LHPP: variants seen among roughly 807,000 people sequenced by gnomAD.
The protein encoded by LHPP is hLHPP.
LHPP carries 24 observed loss-of-function variants against 30.3 expected under a neutral mutation model. The observed-to-expected ratio is 0.79, with a 90% CI of 0.57 to 1.11. The LOEUF (loss-of-function observed/expected upper bound fraction) is 1.11. Ranked by LOEUF, LHPP falls within the 50% of genes most tolerant of loss-of-function variation. The pLI is 0.00. For missense variants in LHPP, 356 were observed against 367.2 expected (o/e 0.97, Z 0.25); for synonymous variants, 150 against 157.1 (o/e 0.95, Z 0.34).
intron 6 of LHPP, among the ~76,000 whole-genome samples, chr10:124,540,668 G>A (rs2133944129): frequency 6.6e-6 from 1 of 152,346 alleles, no homozygotes; most frequent in South Asian, 2.1e-4. Flanking sequence ...GGGGTTCACG[G>A]TGCTCCATGG....
chr10:124,565,459 G>A (rs1589869464), intron 6 of LHPP, among the ~76,000 whole-genome samples: 1 of 152,092 alleles, frequency 6.6e-6, no homozygotes, highest in Non-Finnish European at 1.5e-5. Context: ...GTTTAGTTTG[G>A]GGAGAGGAGG....
rs751850169 is a variant in LHPP, at chr10:124,496,943, C to T, written c.468-18C>T. ...TCCCCGTGCTCAGCATCCCGTGCTC[C>T]GTTCTGCTCTCTCCTAGGCGTTACT... On this transcript the variant is annotated intron_variant, in intron 3 of 6. Coordinates refer to ENST00000368842, the MANE Select transcript of LHPP (RefSeq NM_022126.4). This position sits in a 1 kb window ranked among gnomAD's most constrained non-coding sequence, Gnocchi z 4.3. 2.9e-5 allele frequency: 46 copies of T among 1,610,562 alleles called. No individual in the cohort carries two copies. Among genetic ancestry groups the T allele is most frequent in the African/African-American group, 4.0e-5 (3 of 74,756 alleles).
At chr10:124,481,339 A>G (rs866504461) in intron 1 of LHPP, among the ~76,000 whole-genome samples, 7 of 144,588 alleles carry the variant, frequency 4.8e-5, no homozygotes, top group Middle Eastern at 3.6e-3. Flanking sequence ...GCCCTCTCTC[A>G]CTGGTGGGGA....
At chr10:124,515,795 G>A (rs1011693749) in intron 5 of LHPP, among the ~76,000 whole-genome samples, 2 of 152,222 alleles carry the variant, frequency 1.3e-5, no homozygotes, top group African/African-American at 2.4e-5. Context: ...AGCCTGGCTG[G>A]TGGGGACATA....
intron 6 of LHPP, among the ~76,000 whole-genome samples, chr10:124,601,151 G>A: frequency 6.6e-6 from 1 of 152,176 alleles, no homozygotes; most frequent in Admixed American, 6.5e-5. Context: ...ACCCCCAGGG[G>A]TAGGGGGAAG....
intron 6 of LHPP, among the ~76,000 whole-genome samples, chr10:124,612,110 G>T (rs1949209746): frequency 6.6e-6 from 1 of 152,104 alleles, no homozygotes; most frequent in East Asian, 1.9e-4. Flanking sequence ...TGACTGTCAA[G>T]ACTGGGATGG....
At chr10:124,521,147 G>C (rs1331059078) in intron 6 of LHPP, among the ~76,000 whole-genome samples, 1 of 152,152 alleles carries the variant, frequency 6.6e-6, no homozygotes, top group Non-Finnish European at 1.5e-5. Context: ...GTGGCTGATG[G>C]GGCCTCGCTC....
chr10:124,610,888 AGCGGGT>A (rs1564853154), intron 6 of LHPP, among the ~76,000 whole-genome samples: 13 of 48,916 alleles, frequency 2.7e-4, no homozygotes, highest in African/African-American at 1.1e-3. Context: ...GTGCTGATGG[AGCGGGT>A]GAGGGTGAGG....
rs1955193629 is a variant in LHPP, at chr10:124,541,648, ACTCGAGGGGGCACTGAGGCC to A, written c.716+24380_716+24399del. Among the ~76,000 whole-genome samples, 1 of 151,830 alleles carries A rather than the reference ACTCGAGGGGGCACTGAGGCC, an allele frequency of 6.6e-6. No individual in the cohort carries two copies. Among genetic ancestry groups the A allele is most frequent in the Non-Finnish European group, 1.5e-5 (1 of 67,922 alleles). On this transcript the variant is annotated intron_variant, in intron 6 of 6. Transcript: ENST00000368842. The surrounding 1 kb of genome is among the most constrained non-coding windows in gnomAD (Gnocchi z 4.2). ...GTGTGTCTAGGCAAATGCCTTGGGC[ACTCGAGGGGGCACTGAGGCC>A]CTGGAGGGCTTCTGTGGGTGGGAGT...
intron 6 of LHPP, among the ~76,000 whole-genome samples, chr10:124,550,074 A>G (rs1369541142): frequency 6.6e-6 from 1 of 152,230 alleles, no homozygotes; most frequent in Non-Finnish European, 1.5e-5. Context: ...CCCAGGGGTT[A>G]GAGAACTAAG....
At chr10:124,474,132 CTTTTT>C (rs544464876) in intron 1 of LHPP, among the ~76,000 whole-genome samples, 29 of 71,904 alleles carry the variant, frequency 4.0e-4, no homozygotes, top group Admixed American at 1.9e-3. Context: ...TTGCTTTGCC[CTTTTT>C]TTTTTTTTTT....
rs1355291157 is a variant in LHPP at position 124,484,307 on chromosome 10, A to G, written c.294A>G (p.Pro98=). The G allele has an allele frequency of 2.5e-6, 4 of 1,613,116 alleles. No individual in the cohort carries two copies. Among genetic ancestry groups the G allele is most frequent in the African/African-American group, 2.7e-5 (2 of 74,910 alleles). The change falls in exon 2 of 7, where the codon CCA becomes CCG. Residue 98 remains proline (P), a synonymous_variant. Coordinates refer to ENST00000368842, the MANE Select transcript of LHPP (RefSeq NM_022126.4). Reference sequence around the variant, plus strand: ...TCCTGAAGGAGCAAGGCCTGCGACCATACCTGCTCATCCATGACGGTAGGC... The same window carrying G: ...TCCTGAAGGAGCAAGGCCTGCGACCGTACCTGCTCATCCATGACGGTAGGC... ...CQILKEQGLR[P]YLLIHDGVRS... is the part of the protein sequence containing the mutation.
chr10:124,515,740 C>T (rs1177862395), intron 5 of LHPP, among the ~76,000 whole-genome samples: 1 of 152,242 alleles, frequency 6.6e-6, no homozygotes, highest in Non-Finnish European at 1.5e-5. Context: ...CCAGCGGCTT[C>T]TGAGATCGCA....
At chr10:124,547,787 T>G (rs1375057846) in intron 6 of LHPP, among the ~76,000 whole-genome samples, 1 of 152,386 alleles carries the variant, frequency 6.6e-6, no homozygotes. Flanking sequence ...GTTCCAGTGA[T>G]ACAGCACTTC....
intron 6 of LHPP, among the ~76,000 whole-genome samples, chr10:124,606,356 G>A (rs747286419): frequency 4.6e-5 from 7 of 152,042 alleles, no homozygotes; most frequent in East Asian, 1.9e-4. Context: ...TCCCTGCCCC[G>A]CTCAGTCCTG....
intron 6 of LHPP, among the ~76,000 whole-genome samples, chr10:124,540,426 A>G (rs1313900613): frequency 1.3e-5 from 2 of 151,990 alleles, no homozygotes; most frequent in East Asian, 1.9e-4. Flanking sequence ...GGGCCTTTTC[A>G]CCACTGCCTG....
At chr10:124,520,613 G>A (rs1300940343) in intron 6 of LHPP, among the ~76,000 whole-genome samples, 1 of 152,244 alleles carries the variant, frequency 6.6e-6, no homozygotes, top group Non-Finnish European at 1.5e-5. Context: ...TTAACATGCA[G>A]GACAAAGGGA....
At chr10:124,492,455 G>A (rs373084272) in intron 3 of LHPP, among the ~76,000 whole-genome samples, 37 of 152,298 alleles carry the variant, frequency 2.4e-4, no homozygotes, top group African/African-American at 7.7e-4. Flanking sequence ...AGGAATGCGC[G>A]CAGCAGAGTC....
At chr10:124,582,495 G>T (rs1395678255) in intron 6 of LHPP, among the ~76,000 whole-genome samples, 1 of 152,192 alleles carries the variant, frequency 6.6e-6, no homozygotes, top group Non-Finnish European at 1.5e-5. Context: ...TACAGGTACA[G>T]TTGACCCTTG....
Sources: allele counts gnomAD v4.1 joint callset (sites outside exome capture counted in the v4.1 genomes callset), GRCh38; gene constraint gnomAD v4.1.1; non-coding constraint Gnocchi (gnomAD v3.1); transcripts MANE v1.5; gene names NCBI Gene and HGNC (gene_info 2026-07-23, HGNC 2026-07-21).